ROBO2: variants seen among roughly 807,000 people sequenced by gnomAD.
The protein encoded by ROBO2 is roundabout guidance receptor 2, also known as roundabout homolog 2.
In ROBO2, 53 loss-of-function variants were observed where a neutral mutation model predicts 160.8. That is an observed-to-expected ratio of 0.33 (90% CI 0.26 to 0.41). The LOEUF (loss-of-function observed/expected upper bound fraction) is 0.41. Among genes scored for constraint, ROBO2 ranks in the 10% least tolerant of loss-of-function variants. The probability of loss-of-function intolerance (pLI) is 1.00; values close to 1 mark genes in which losing one functional copy is unlikely to be tolerated. For synonymous variants in ROBO2, 664 were observed against 611.7 expected (o/e 1.09, Z -1.26); for missense variants, 1,577 against 1,722.4 (o/e 0.92, Z 1.49).
chr3:77,495,385 C>T (rs1053689005), intron 5 of ROBO2, among the ~76,000 whole-genome samples: 2 of 152,172 alleles, frequency 1.3e-5, no homozygotes, highest in Admixed American at 6.5e-5. Flanking sequence ...ACATTTGTTA[C>T]AACTAATGAG....
intron 2 of ROBO2, among the ~76,000 whole-genome samples, chr3:76,297,548 A>C (rs1709134650): frequency 6.6e-6 from 1 of 152,112 alleles, no homozygotes; most frequent in Admixed American, 6.6e-5. Flanking sequence ...CATTCTTTAC[A>C]TACTTGAGCT....
At chr3:76,461,817 TC>T (rs2078102121) in intron 2 of ROBO2, among the ~76,000 whole-genome samples, 1 of 152,226 alleles carries the variant, frequency 6.6e-6, no homozygotes, top group East Asian at 1.9e-4. Context: ...TAAATATTTT[TC>T]TTTTTGTGCC....
At chr3:76,075,105 G>A (rs1404412430) in intron 2 of ROBO2, among the ~76,000 whole-genome samples, 2 of 151,948 alleles carry the variant, frequency 1.3e-5, no homozygotes, top group African/African-American at 2.4e-5. Flanking sequence ...TTGTTGAAAC[G>A]ACATTGCTTC....
At chr3:76,863,795 C>G (rs967845853) in intron 2 of ROBO2, among the ~76,000 whole-genome samples, 3 of 151,996 alleles carry the variant, frequency 2.0e-5, no homozygotes, top group Non-Finnish European at 2.9e-5. Context: ...ATAACTACCC[C>G]CTACCAGTTA....
chr3:75,954,646 A>G (rs1948664340), intron 2 of ROBO2, among the ~76,000 whole-genome samples: 2 of 151,906 alleles, frequency 1.3e-5, no homozygotes, highest in Non-Finnish European at 2.9e-5. Context: ...TATAAGAAAA[A>G]TAGGTAAGTT....
At chr3:76,986,538 G>A (rs887995288) in intron 2 of ROBO2, among the ~76,000 whole-genome samples, 7 of 151,896 alleles carry the variant, frequency 4.6e-5, no homozygotes, top group Non-Finnish European at 8.8e-5. Context: ...CTTTCAGGGG[G>A]GAAAGTTATA....
intron 2 of ROBO2, among the ~76,000 whole-genome samples, chr3:77,193,461 T>TTTTTG (rs1296731046): frequency 1.3e-5 from 2 of 148,324 alleles, no homozygotes; most frequent in Non-Finnish European, 3.0e-5. Flanking sequence ...TTTTTTTTTT[T>TTTTTG]TAAAGACAGG....
chr3:77,103,109 G>T (rs575321879), intron 2 of ROBO2, among the ~76,000 whole-genome samples: 1 of 152,254 alleles, frequency 6.6e-6, no homozygotes, highest in South Asian at 2.1e-4. Flanking sequence ...AGCACAGGGG[G>T]TCCTCACAGA....
intron 2 of ROBO2, among the ~76,000 whole-genome samples, chr3:76,679,044 A>G (rs1018056259): frequency 5.3e-5 from 8 of 151,800 alleles, no homozygotes; most frequent in African/African-American, 1.9e-4. Context: ...TATTTGACAG[A>G]TGGGACAAGT....
At position 76,834,074 on chromosome 3, in the gene ROBO2, C is replaced by CT. The variant is rs780683851; in HGVS notation, c.110-263937dup. On this transcript the variant is annotated intron_variant, in intron 2 of 26. Transcript: ENST00000487694. ...TCTCCTTTCTTTCTTTTCTTTCTTTCTTTCTTTCTTTCTTTCTTTCTTTCT... is the reference window on the plus strand; with the variant it reads ...TCTCCTTTCTTTCTTTTCTTTCTTTCTTTTCTTTCTTTCTTTCTTTCTTTCT... Among the ~76,000 whole-genome samples, 487 of 102,408 alleles carry CT rather than the reference C, an allele frequency of 4.8e-3. 1 individual carries two copies. Among genetic ancestry groups the CT allele is most frequent in the Non-Finnish European group, 6.5e-3 (328 of 50,188 alleles). The allele number at this position is 102,408 out of a possible 152,430, so 67.2% of individuals were successfully genotyped here.
At chr3:76,461,117 G>T (rs948329850) in intron 2 of ROBO2, among the ~76,000 whole-genome samples, 1 of 152,188 alleles carries the variant, frequency 6.6e-6, no homozygotes, top group Admixed American at 6.5e-5. Context: ...CATGGTGCTG[G>T]CATCTTCTGG....
intron 2 of ROBO2, among the ~76,000 whole-genome samples, chr3:77,351,289 G>A (rs530196963): frequency 4.6e-5 from 7 of 152,222 alleles, no homozygotes; most frequent in African/African-American, 1.4e-4. Flanking sequence ...CATTGTGATG[G>A]CATAAGAACA....
chr3:76,685,965 CT>C (rs2092676613), intron 2 of ROBO2, among the ~76,000 whole-genome samples: 1 of 152,062 alleles, frequency 6.6e-6, no homozygotes, highest in African/African-American at 2.4e-5. Flanking sequence ...AAAACATGGC[CT>C]TGAGAGCATA....
chr3:76,015,582 G>A (rs532966028), intron 2 of ROBO2, among the ~76,000 whole-genome samples: 73 of 152,142 alleles, frequency 4.8e-4, no homozygotes, highest in Non-Finnish European at 8.8e-4. Flanking sequence ...AGAAAAGATA[G>A]CAAATTTCTT....
intron 2 of ROBO2, among the ~76,000 whole-genome samples, chr3:76,184,720 C>T (rs1701664440): frequency 6.6e-6 from 1 of 152,010 alleles, no homozygotes; most frequent in Non-Finnish European, 1.5e-5. Context: ...ACCTCATAAT[C>T]AGGGAAGTCA....
At chr3:76,016,528 TTAAA>T (rs1454851353) in intron 2 of ROBO2, among the ~76,000 whole-genome samples, 1 of 151,994 alleles carries the variant, frequency 6.6e-6, no homozygotes, top group Non-Finnish European at 1.5e-5. Flanking sequence ...TAAAGATACT[TTAAA>T]TAAGGAACCT....
At chr3:77,437,465 T>A (rs1197982024) in intron 2 of ROBO2, among the ~76,000 whole-genome samples, 3 of 152,000 alleles carry the variant, frequency 2.0e-5, no homozygotes, top group African/African-American at 7.2e-5. Context: ...TAGTGATTAT[T>A]ATTACATTAT....
At position 76,278,931 on chromosome 3, in the gene ROBO2, A is replaced by C. The variant is rs569440078; in HGVS notation, c.109+341329A>C. ...CTCTCCCACTCCTACCCAATGCCTG[A>C]GAGATAAAGGTGATTCTATTTGATA... On this transcript the variant is annotated intron_variant, in intron 2 of 26. Coordinates refer to the ROBO2 transcript ENST00000487694. Among the ~76,000 whole-genome samples the C allele has an allele frequency of 1.3e-3, 194 of 152,030 alleles. 2 individuals are homozygous for C. The highest frequency in any genetic ancestry group is 0.01 in the Admixed American group (155 of 15,184).
intron 2 of ROBO2, among the ~76,000 whole-genome samples, chr3:76,639,665 G>A (rs2090545143): frequency 6.6e-6 from 1 of 152,208 alleles, no homozygotes; most frequent in South Asian, 2.1e-4. Context: ...TCATGCAGAG[G>A]TTGGTAGAGG....
Sources: allele counts gnomAD v4.1 joint callset (sites outside exome capture counted in the v4.1 genomes callset), GRCh38; gene constraint gnomAD v4.1.1; transcripts MANE v1.5; gene names NCBI Gene and HGNC (gene_info 2026-07-23, HGNC 2026-07-21).